DENND5B: variants seen among roughly 807,000 people sequenced by gnomAD.
DENND5B encodes the protein DENN domain-containing protein 5B.
Under a neutral mutation model 140.6 loss-of-function variants are expected in DENND5B, and 34 were observed. That is an observed-to-expected ratio of 0.24 (90% CI 0.18 to 0.32). DENND5B has a LOEUF of 0.32. Among genes scored for constraint, DENND5B ranks in the 10% least tolerant of loss-of-function variants. The pLI is 1.00. For missense variants in DENND5B, 1,142 were observed against 1,560.2 expected (o/e 0.73, Z 4.52); for synonymous variants, 551 against 562.1 (o/e 0.98, Z 0.28).
chr12:31,491,813 T>C (rs1467970880), intron 2 of DENND5B, among the ~76,000 whole-genome samples: 4 of 152,254 alleles, frequency 2.6e-5, no homozygotes, highest in Non-Finnish European at 5.9e-5. Flanking sequence ...ACATTTTATT[T>C]AACAAAGTTC....
At chr12:31,562,752 T>C (rs949570277) in intron 1 of DENND5B, among the ~76,000 whole-genome samples, 8 of 152,236 alleles carry the variant, frequency 5.3e-5, no homozygotes, top group African/African-American at 1.9e-4. Flanking sequence ...GACTAATTTC[T>C]AGCTTCTTCC....
intron 3 of DENND5B, among the ~76,000 whole-genome samples, chr12:31,469,911 C>T (rs1945463542): frequency 6.6e-6 from 1 of 152,052 alleles, no homozygotes; most frequent in Non-Finnish European, 1.5e-5. Flanking sequence ...TCATCAGAAG[C>T]AGGTGCTAGC....
chr12:31,388,605 G>A (rs968097088), intron 20 of DENND5B, among the ~76,000 whole-genome samples: 5 of 151,540 alleles, frequency 3.3e-5, no homozygotes, highest in Non-Finnish European at 7.4e-5. Flanking sequence ...GGGCTCTTAA[G>A]GTTCAGGAAA....
At chr12:31,422,379 G>A (rs374572057) in intron 11 of DENND5B, among the ~76,000 whole-genome samples, 17 of 151,736 alleles carry the variant, frequency 1.1e-4, no homozygotes, top group African/African-American at 3.6e-4. Context: ...GCAGTGAGCC[G>A]AGATCGCGCC....
At chr12:31,433,035 A>G (rs1943582324) in intron 8 of DENND5B, 120 bp downstream of exon 8, 4 of 858,464 alleles carry the variant, frequency 4.7e-6, no homozygotes, top group African/African-American at 1.7e-5. Context: ...ATTTTAAACT[A>G]TAACTAAACA....
intron 1 of DENND5B, among the ~76,000 whole-genome samples, chr12:31,532,145 T>C (rs1009292043): frequency 6.6e-6 from 1 of 152,234 alleles, no homozygotes; most frequent in African/African-American, 2.4e-5. Flanking sequence ...AAGCACAGTT[T>C]ACTTAATGTT....
At chr12:31,441,034 C>A (rs1324676615) in intron 7 of DENND5B, among the ~76,000 whole-genome samples, 3 of 151,882 alleles carry the variant, frequency 2.0e-5, no homozygotes, top group Non-Finnish European at 2.9e-5. Flanking sequence ...CCATGCCTGG[C>A]CTAATTTAAA....
intron 14 of DENND5B, among the ~76,000 whole-genome samples, chr12:31,403,390 C>T (rs1966635): frequency 4.5e-4 from 63 of 140,718 alleles, no homozygotes; most frequent in Admixed American, 2.0e-3. Context: ...CTTTTTTTTT[C>T]TTTTTTTTTT....
At chr12:31,456,523 T>C (rs537189465) in intron 4 of DENND5B, among the ~76,000 whole-genome samples, 1 of 152,342 alleles carries the variant, frequency 6.6e-6, no homozygotes, top group East Asian at 1.9e-4. Context: ...TAAATGACTT[T>C]TTTGAAAAGC....
intron 1 of DENND5B, among the ~76,000 whole-genome samples, chr12:31,566,866 T>C (rs1420699052): frequency 6.6e-6 from 1 of 152,200 alleles, no homozygotes; most frequent in Non-Finnish European, 1.5e-5. Context: ...TAGTACCAGA[T>C]GACTGGAACA....
intron 1 of DENND5B, among the ~76,000 whole-genome samples, chr12:31,501,372 T>C (rs1946994592): frequency 6.6e-6 from 1 of 152,208 alleles, no homozygotes; most frequent in African/African-American, 2.4e-5. Flanking sequence ...CCTATGGAAC[T>C]GTGAGTCAAT....
chr12:31,586,123 T>G (rs1950385393), intron 1 of DENND5B, among the ~76,000 whole-genome samples: 1 of 152,156 alleles, frequency 6.6e-6, no homozygotes, highest in Non-Finnish European at 1.5e-5. Context: ...TTGACTGCTG[T>G]AAATTAAGCC....
At chr12:31,495,705 T>A (rs1436797409) in intron 2 of DENND5B, 105 bp downstream of exon 2, 2 of 913,884 alleles carry the variant, frequency 2.2e-6, no homozygotes, top group Non-Finnish European at 3.2e-6. Flanking sequence ...ACTTAAAGAA[T>A]AAATGAAATG....
At position 31,383,663 on chromosome 12, in the gene DENND5B, A is replaced by T. The variant is rs1393616564; in HGVS notation, c.*3940T>A. The T allele has an allele frequency of 6.6e-6, 1 of 152,114 alleles. No homozygotes were observed. The highest frequency in any genetic ancestry group is 1.5e-5 in the Non-Finnish European group (1 of 68,026). 9.4% of individuals were successfully genotyped at this position (152,114 alleles called of 1,614,324 possible). A position where few individuals can be genotyped will look rare whatever the true frequency, so the allele number is the denominator to read the frequency against. On this transcript the variant is annotated 3_prime_UTR_variant, in exon 21 of 21. Coordinates refer to ENST00000389082, the MANE Select transcript of DENND5B (RefSeq NM_144973.4). ...GGGTTGGGAGGTTTTTGTCCTCAGTAGCCTGCTTTTTCCCACGTAGGACTC... is the reference window on the plus strand; with the variant it reads ...GGGTTGGGAGGTTTTTGTCCTCAGTTGCCTGCTTTTTCCCACGTAGGACTC...
chr12:31,502,391 T>C (rs1591938273), intron 1 of DENND5B, among the ~76,000 whole-genome samples: 2 of 152,196 alleles, frequency 1.3e-5, no homozygotes, highest in East Asian at 1.9e-4. Flanking sequence ...TGTTTATCAA[T>C]GCAAACATAA....
In DENND5B at chr12:31,495,873, T is replaced by C. The variant is rs1256442107; in HGVS notation, c.174A>G (p.Lys58=). The C allele has an allele frequency of 1.9e-6, 3 of 1,613,150 alleles. No individual in the cohort carries two copies. Among genetic ancestry groups the C allele is most frequent in the East Asian group, 2.2e-5 (1 of 44,838 alleles). Residue 58 remains lysine, a synonymous_variant, in exon 2 of 21, where the codon AAA becomes AAG. Transcript: ENST00000389082. ...QSPLRRTFKS[K]VLAHYPQNIE... ...TATTCTGAGGATAGTGGGCGAGAAC[T>C]TTGGATTTGAATGTTCTTCTCAAAG...
At chr12:31,413,641 T>C in intron 12 of DENND5B, 77 bp from the exon 13 acceptor site, 2 of 1,473,460 alleles carry the variant, frequency 1.4e-6, no homozygotes, top group Admixed American at 2.2e-5. Context: ...GAGTGAACAG[T>C]ACTGGGCACA....
intron 1 of DENND5B, among the ~76,000 whole-genome samples, chr12:31,517,752 G>T (rs1273588031): frequency 6.6e-6 from 1 of 152,210 alleles, no homozygotes; most frequent in Non-Finnish European, 1.5e-5. Flanking sequence ...AAGTGACAGA[G>T]ATCAAGTTCA....
At chr12:31,585,836 C>A (rs1370684220) in intron 1 of DENND5B, among the ~76,000 whole-genome samples, 1 of 152,188 alleles carries the variant, frequency 6.6e-6, no homozygotes, top group Non-Finnish European at 1.5e-5. Context: ...AGGAAAAGAT[C>A]TAAACAAAGT....
Sources: gnomAD v4.1 joint callset for allele counts (sites outside exome capture counted in the v4.1 genomes callset) on GRCh38, gnomAD v4.1.1 for gene constraint, MANE v1.5 for transcripts, NCBI Gene and HGNC (gene_info 2026-07-23, HGNC 2026-07-21) for gene names.